Variants in PTPRN2 observed in about 807,000 individuals in gnomAD.
PTPRN2 encodes receptor-type tyrosine-protein phosphatase N2.
A neutral mutation model predicts 118.8 loss-of-function variants in PTPRN2; 74 were observed. The ratio of observed to expected loss-of-function variants is 0.62; its 90% CI spans 0.52 to 0.76. PTPRN2 has a LOEUF of 0.76. Among genes scored for constraint, PTPRN2 ranks in the 30% least tolerant of loss-of-function variants. The pLI is 0.00. For missense variants in PTPRN2, 1,481 were observed against 1,394.4 expected (o/e 1.06, Z -0.99); for synonymous variants, 641 against 608.0 (o/e 1.05, Z -0.80).
chr7:158,183,428 C>A (rs558300382), intron 5 of PTPRN2, among the ~76,000 whole-genome samples: 1 of 152,228 alleles, frequency 6.6e-6, no homozygotes, highest in South Asian at 2.1e-4. Context: ...GCTTCCCACT[C>A]CCCCCTGGGT....
chr7:158,558,630 A>G (rs1586940739), intron 1 of PTPRN2, among the ~76,000 whole-genome samples: 1 of 152,092 alleles, frequency 6.6e-6, no homozygotes, highest in Non-Finnish European at 1.5e-5. Flanking sequence ...AGGTGCAGCA[A>G]TGAGGGACCC....
chr7:158,334,339 C>T (rs62480922), intron 2 of PTPRN2, among the ~76,000 whole-genome samples: 27 of 13,534 alleles, frequency 2.0e-3, no homozygotes, highest in African/African-American at 3.0e-3. Context: ...ACGTCACTCA[C>T]ACCCACACTC....
intron 12 of PTPRN2, among the ~76,000 whole-genome samples, chr7:157,846,066 T>C (rs1039063766): frequency 6.6e-6 from 1 of 151,968 alleles, no homozygotes; most frequent in Non-Finnish European, 1.5e-5. Flanking sequence ...AGAAACACTA[T>C]TAAAAAGTGG....
rs997184979 is a variant in PTPRN2, at chr7:158,563,331, C to T, written c.112+24227G>A. 2.0e-5 allele frequency among the ~76,000 whole-genome samples: 3 copies of T among 152,182 alleles called. No homozygotes were observed. Among genetic ancestry groups the T allele is most frequent in the African/African-American group, 7.2e-5 (3 of 41,438 alleles). On this transcript the variant is annotated intron_variant, in intron 1 of 22. Transcript: ENST00000389418. This position sits in a 1 kb window ranked among gnomAD's most constrained non-coding sequence, Gnocchi z 5.1. ...TGCTTCTCGTTCAAAGCAAGAAGTACCCAAGTGGAACGCAGATACGGCACG... is the reference window on the plus strand; with the variant it reads ...TGCTTCTCGTTCAAAGCAAGAAGTATCCAAGTGGAACGCAGATACGGCACG...
In PTPRN2 at chr7:157,874,302, G is replaced by C. The variant is rs919763755; in HGVS notation, c.1788+24371C>G. Among the ~76,000 whole-genome samples, 11 of 152,132 alleles carry C rather than the reference G, an allele frequency of 7.2e-5. No homozygotes were observed. The highest frequency in any genetic ancestry group is 2.0e-4 in the Admixed American group (3 of 15,278). On this transcript the variant is annotated intron_variant, in intron 12 of 22. Coordinates refer to ENST00000389418, the MANE Select transcript of PTPRN2 (RefSeq NM_002847.5). This position sits in a 1 kb window ranked among gnomAD's most constrained non-coding sequence, Gnocchi z 5.8. ...AGATCACAGCCCCTAAGCCTGGACTGCAGTGCTCCACTTGGCCTCGCCCAC... is the reference window on the plus strand; with the variant it reads ...AGATCACAGCCCCTAAGCCTGGACTCCAGTGCTCCACTTGGCCTCGCCCAC...
intron 2 of PTPRN2, among the ~76,000 whole-genome samples, chr7:158,361,594 G>A (rs1208992091): frequency 1.3e-5 from 2 of 152,210 alleles, no homozygotes; most frequent in African/African-American, 4.8e-5. Context: ...CCTCCAGAGA[G>A]AGCTGAGCCA....
intron 11 of PTPRN2, among the ~76,000 whole-genome samples, chr7:157,985,033 A>C (rs1395488434): frequency 3.3e-5 from 5 of 152,004 alleles, no homozygotes; most frequent in Non-Finnish European, 1.5e-5. Context: ...GGTGGTCTCT[A>C]GCACTCCTCT....
chr7:158,290,437 G>C (rs148091403), intron 3 of PTPRN2, among the ~76,000 whole-genome samples: 14 of 151,954 alleles, frequency 9.2e-5, no homozygotes, highest in Non-Finnish European at 2.1e-4. Flanking sequence ...ACCTGTATGC[G>C]GAGTGGGCCC....
In PTPRN2 at chr7:157,860,008, G is replaced by C. The variant is rs187092203; in HGVS notation, c.1788+38665C>G. ...CGGCCACCACCCACACTCCTGCAGG[G>C]AGAGCCCCAGCCACTGTACACACTC... On this transcript the variant is annotated intron_variant, in intron 12 of 22. Transcript: ENST00000389418. 3.0e-3 allele frequency among the ~76,000 whole-genome samples: 454 copies of C among 151,806 alleles called. 3 individuals are homozygous for C. The highest frequency in any genetic ancestry group is 0.01 in the African/African-American group (431 of 41,326).
At chr7:158,424,007 T>C (rs1194439867) in intron 2 of PTPRN2, among the ~76,000 whole-genome samples, 1 of 152,194 alleles carries the variant, frequency 6.6e-6, no homozygotes, top group Non-Finnish European at 1.5e-5. Context: ...ACGAGAAAGA[T>C]TAATTCGGAA....
chr7:158,366,369 C>T (rs998252964), intron 2 of PTPRN2, among the ~76,000 whole-genome samples: 5 of 124,464 alleles, frequency 4.0e-5, no homozygotes, highest in South Asian at 3.1e-4. Flanking sequence ...CCAATGCACG[C>T]GTGCAAACGC....
At chr7:157,792,263 C>A (rs1804555419) in intron 12 of PTPRN2, among the ~76,000 whole-genome samples, 1 of 152,220 alleles carries the variant, frequency 6.6e-6, no homozygotes, top group African/African-American at 2.4e-5. Context: ...GCGGGAGAGG[C>A]CAGGCGCCCG....
At chr7:158,262,124 C>T (rs973132336) in intron 3 of PTPRN2, among the ~76,000 whole-genome samples, 5 of 152,262 alleles carry the variant, frequency 3.3e-5, no homozygotes, top group Admixed American at 6.5e-5. Flanking sequence ...GTCACACCCT[C>T]GAGGCCACAG....
intron 2 of PTPRN2, among the ~76,000 whole-genome samples, chr7:158,463,620 G>A (rs1480776908): frequency 7.9e-6 from 1 of 126,354 alleles, no homozygotes; most frequent in Non-Finnish European, 1.7e-5. Context: ...CACCATCATT[G>A]TTATCATCAA....
chr7:158,326,930 T>G (rs1803620335), intron 2 of PTPRN2, among the ~76,000 whole-genome samples: 1 of 145,064 alleles, frequency 6.9e-6, no homozygotes, highest in Non-Finnish European at 1.5e-5. Flanking sequence ...CGTTCTCACA[T>G]GCACACATAC....
intron 21 of PTPRN2, among the ~76,000 whole-genome samples, chr7:157,552,828 G>A (rs1585020960): frequency 6.6e-6 from 1 of 152,284 alleles, no homozygotes; most frequent in Admixed American, 6.5e-5. Context: ...GGCCTGGCCG[G>A]GAAGCTGGAT....
At chr7:158,573,988 G>C (rs1173844265) in intron 1 of PTPRN2, among the ~76,000 whole-genome samples, 1 of 152,216 alleles carries the variant, frequency 6.6e-6, no homozygotes, top group Non-Finnish European at 1.5e-5. Context: ...ATCGTGGATT[G>C]TTAATAAGAC....
intron 2 of PTPRN2, among the ~76,000 whole-genome samples, chr7:158,342,873 G>A (rs1234183656): frequency 2.0e-5 from 3 of 151,926 alleles, no homozygotes; most frequent in Admixed American, 1.3e-4. Flanking sequence ...GCTCACTTGA[G>A]CCAAGATCCA....
chr7:158,519,329 C>T (rs949758660), intron 1 of PTPRN2, among the ~76,000 whole-genome samples: 1 of 152,162 alleles, frequency 6.6e-6, no homozygotes, highest in Non-Finnish European at 1.5e-5. Flanking sequence ...CTGTGTGAGA[C>T]ACTCAGTTGG....
Sources: allele counts gnomAD v4.1 joint callset (sites outside exome capture counted in the v4.1 genomes callset), GRCh38; gene constraint gnomAD v4.1.1; non-coding constraint Gnocchi (gnomAD v3.1); transcripts MANE v1.5; gene names NCBI Gene and HGNC (gene_info 2026-07-23, HGNC 2026-07-21).